The following POLI variants were observed in gnomAD, a reference collection of about 807,000 sequenced individuals.
The protein encoded by POLI is RAD30 homolog B.
POLI carries 58 observed loss-of-function variants against 51.6 expected under a neutral mutation model. The ratio of observed to expected loss-of-function variants is 1.12; its 90% CI spans 0.91 to 1.40. POLI has a LOEUF of 1.40. POLI is among the 40% of genes most tolerant of loss of function. The pLI, the probability that POLI is intolerant of heterozygous loss-of-function variation, is 0.00. For synonymous variants in POLI, 322 were observed against 299.7 expected, an observed-to-expected ratio of 1.07 and a Z score of -0.77; for missense variants, 921 against 871.3, an observed-to-expected ratio of 1.06 and a Z score of -0.72.
rs976613203 is a variant in POLI at position 54,295,046 on chromosome 18, A to G, written c.*579A>G. ...ATACACAGCACACAAAGGCCGTTCA[A>G]TAAACATTGAATGAATGAATGGTTT... is the stretch of plus-strand genomic sequence containing the variant. On this transcript the variant is annotated 3_prime_UTR_variant, in exon 10 of 10. Transcript: ENST00000579534. The G allele has an allele frequency of 1.2e-4, 114 of 985,498 alleles. No individual in the cohort carries two copies. Among genetic ancestry groups the G allele is most frequent in the South Asian group, 1.1e-3 (23 of 21,294 alleles). 61.0% of individuals were successfully genotyped at this position (985,498 alleles called of 1,614,324 possible).
intron 1 of POLI, chr18:54,269,958 C>T: frequency 8.6e-7 from 1 of 1,157,190 alleles, no homozygotes; most frequent in Non-Finnish European, 1.1e-6. Context: ...TCAGCCAGCC[C>T]GACGAAAACT....
chr18:54,287,204 A>C, intron 7 of POLI, 77 bp from the exon 8 acceptor site: 2 of 1,047,114 alleles, frequency 1.9e-6, no homozygotes, highest in Non-Finnish European at 2.8e-6. Context: ...TGGCACCTTT[A>C]GATAAATGAG....
intron 2 of POLI, chr18:54,272,364 A>G (rs1456648705): frequency 6.6e-6 from 1 of 152,232 alleles, no homozygotes; most frequent in African/African-American, 2.4e-5. Flanking sequence ...TTCTGTAGAT[A>G]ATGCTTAATA....
At chr18:54,280,523 A>G (rs977273811) in intron 4 of POLI, 144 bp from the exon 5 acceptor site, 17 of 620,872 alleles carry the variant, frequency 2.7e-5, no homozygotes, top group Non-Finnish European at 4.6e-5. Flanking sequence ...GACAAATATC[A>G]CAACCATACC....
intron 3 of POLI, among the ~76,000 whole-genome samples, chr18:54,318,497 C>T (rs376435010): frequency 2.6e-5 from 4 of 151,986 alleles, no homozygotes; most frequent in Admixed American, 6.6e-5. Context: ...ACTATATTGT[C>T]GTTTACTTTT....
rs2088270869 is a variant in POLI, at chr18:54,295,369, T to C, written c.*902T>C. On this transcript the variant is annotated 3_prime_UTR_variant, in exon 10 of 10. Coordinates refer to ENST00000579534, the MANE Select transcript of POLI (RefSeq NM_007195.3). ...ATTGGTGGATGTCCTCTTTCTCCCATTGTTATTGCCTTCCTCTTTTGCCTG... is the reference window on the plus strand; with the variant it reads ...ATTGGTGGATGTCCTCTTTCTCCCACTGTTATTGCCTTCCTCTTTTGCCTG... 1 of 984,190 alleles carries C rather than the reference T, an allele frequency of 1.0e-6. No homozygotes were observed. The allele number at this position is 984,190 out of a possible 1,614,324, so 61.0% of individuals were successfully genotyped here.
upstream of POLI, chr18:54,269,481 T>TC (rs2086896560): frequency 4.0e-6 from 6 of 1,483,398 alleles, no homozygotes; most frequent in East Asian, 2.8e-5. Flanking sequence ...GAGACTGTAG[T>TC]CCCCCGGTTT....
At chr18:54,271,058 A>G (rs529479320) in intron 1 of POLI, 1 of 196,216 alleles carries the variant, frequency 5.1e-6, no homozygotes, top group South Asian at 1.6e-4. Context: ...AAGAGCTACT[A>G]TAAACTTCCA....
At chr18:54,286,292 T>G (rs2087738409) in intron 7 of POLI, among the ~76,000 whole-genome samples, 1 of 152,138 alleles carries the variant, frequency 6.6e-6, no homozygotes, top group African/African-American at 2.4e-5. Flanking sequence ...ATGTTATCCT[T>G]TAATGACATT....
Position 54,297,928 on chromosome 18 carries a change from T to C in POLI, c.*3461T>C. The stretch of plus-strand genomic sequence containing the variant: ...TCTAGGTAGAATTCTTTATACCTTC[T>C]GAAATTATGTCCTTAGAGCTGTAGA... On this transcript the variant is annotated 3_prime_UTR_variant, in exon 10 of 10. Coordinates refer to ENST00000579534, the MANE Select transcript of POLI (RefSeq NM_007195.3). The C allele has an allele frequency of 1.0e-6, 1 of 979,938 alleles. No individual in the cohort carries two copies. The highest frequency in any genetic ancestry group is 1.2e-6 in the Non-Finnish European group (1 of 824,956). 60.7% of individuals were successfully genotyped at this position (979,938 alleles called of 1,614,324 possible).
chr18:54,320,214 T>C (rs915856656), intron 3 of POLI: 2 of 152,112 alleles, frequency 1.3e-5, no homozygotes, highest in African/African-American at 4.8e-5. Flanking sequence ...TTTTAAATAG[T>C]AGTGGTTTTT....
chr18:54,303,581 G>A (rs1012599443), intron 3 of POLI, among the ~76,000 whole-genome samples: 2 of 151,978 alleles, frequency 1.3e-5, no homozygotes, highest in Non-Finnish European at 2.9e-5. Context: ...GCCTTTATTT[G>A]TGGAACTCCT....
chr18:54,281,872 T>G (rs1419600266), intron 5 of POLI, among the ~76,000 whole-genome samples: 1 of 151,982 alleles, frequency 6.6e-6, no homozygotes, highest in Non-Finnish European at 1.5e-5. Context: ...AGCCATCTCC[T>G]CCAACTTACT....
Position 54,296,942 on chromosome 18 carries a change from T to C in POLI, c.*2475T>C. 1 of 977,900 alleles carries C rather than the reference T, an allele frequency of 1.0e-6. No homozygotes were observed. The highest frequency in any genetic ancestry group is 1.2e-6 in the Non-Finnish European group (1 of 823,080). The allele number at this position is 977,900 out of a possible 1,614,324, so 60.6% of individuals were successfully genotyped here. On this transcript the variant is annotated 3_prime_UTR_variant, in exon 10 of 10. Coordinates refer to ENST00000579534, the MANE Select transcript of POLI (RefSeq NM_007195.3). ...TTAAGGTTATTATTGCATATCATTGTGACTTATTTCCTTGAGTATGTGTTA... is the reference window on the plus strand; with the variant it reads ...TTAAGGTTATTATTGCATATCATTGCGACTTATTTCCTTGAGTATGTGTTA...
At chr18:54,303,239 C>A (rs2088522693) in intron 3 of POLI, among the ~76,000 whole-genome samples, 1 of 152,216 alleles carries the variant, frequency 6.6e-6, no homozygotes, top group East Asian at 1.9e-4. Flanking sequence ...CCCTAAGTAC[C>A]TAATTAGCTG....
At chr18:54,286,472 A>G (rs929919011) in intron 7 of POLI, among the ~76,000 whole-genome samples, 1 of 152,298 alleles carries the variant, frequency 6.6e-6, no homozygotes, top group East Asian at 1.9e-4. Flanking sequence ...CTAATAAGCT[A>G]TCATATAATG....
In POLI at chr18:54,295,654, G is replaced by A; in HGVS notation, c.*1187G>A. ...TTTCTTTTTTTGTTTTGGAGACAGAGTCTCACTCTGTCGCCCAGGGTGGAG... is the reference window on the plus strand; with the variant it reads ...TTTCTTTTTTTGTTTTGGAGACAGAATCTCACTCTGTCGCCCAGGGTGGAG... On this transcript the variant is annotated 3_prime_UTR_variant, in exon 10 of 10. Transcript: ENST00000579534. 2 of 448,888 alleles carry A rather than the reference G, an allele frequency of 4.5e-6. No individual in the cohort carries two copies. Among genetic ancestry groups the A allele is most frequent in the Non-Finnish European group, 5.9e-6 (2 of 340,382 alleles). 27.8% of individuals were successfully genotyped at this position (448,888 alleles called of 1,614,324 possible). A position where few individuals can be genotyped will look rare whatever the true frequency, so the allele number is the denominator to read the frequency against.
Position 54,294,815 on chromosome 18 carries a change from A to ATT in POLI, c.*363_*364dup, listed in dbSNP as rs34024782. ...GTTGCAATGATATGGTAAAGGACAC[A>ATT]TTTTTTTTTTTTTTTTCCTGTGAAA... On this transcript the variant is annotated 3_prime_UTR_variant, in exon 10 of 10. Transcript: ENST00000579534. 4.8e-4 allele frequency: 440 copies of ATT among 910,354 alleles called. No individual in the cohort carries two copies. Among genetic ancestry groups the ATT allele is most frequent in the African/African-American group, 1.9e-3 (103 of 54,698 alleles). The allele number at this position is 910,354 out of a possible 1,614,324, so 56.4% of individuals were successfully genotyped here.
intron 3 of POLI, among the ~76,000 whole-genome samples, chr18:54,304,543 A>G (rs1318709975): frequency 1.8e-4 from 27 of 152,224 alleles, no homozygotes; most frequent in Non-Finnish European, 2.9e-4. Context: ...ATGTCTGTTG[A>G]CTGCATAAAT....
Sources: gnomAD v4.1 joint callset for allele counts (sites outside exome capture counted in the v4.1 genomes callset) on GRCh38, gnomAD v4.1.1 for gene constraint, MANE v1.5 for transcripts, NCBI Gene and HGNC (gene_info 2026-07-23, HGNC 2026-07-21) for gene names.